Variants in GLIS3 observed in about 807,000 individuals in gnomAD.
The protein encoded by GLIS3 is GLIS family zinc finger 3.
In GLIS3, 53 loss-of-function variants were observed where a neutral mutation model predicts 78.6. That is an observed-to-expected ratio of 0.67 (90% CI 0.54 to 0.85). The LOEUF is 0.85. Among genes scored for constraint, GLIS3 ranks in the 40% least tolerant of loss-of-function variants. GLIS3 has a pLI of 0.00. For missense variants in GLIS3, 1,703 were observed against 1,231.1 expected (o/e 1.38, Z -5.74); for synonymous variants, 684 against 509.9 (o/e 1.34, Z -4.60).
chr9:4,240,199 G>A (rs909027189), intron 2 of GLIS3, among the ~76,000 whole-genome samples: 26 of 151,580 alleles, frequency 1.7e-4, no homozygotes, highest in Non-Finnish European at 3.5e-4. Flanking sequence ...GGGAGGTGGG[G>A]GGGGGGGATG....
intron 3 of GLIS3, among the ~76,000 whole-genome samples, chr9:4,120,591 T>C (rs974218358): frequency 2.0e-5 from 3 of 152,232 alleles, no homozygotes; most frequent in Non-Finnish European, 4.4e-5. Context: ...TTTTGGTCTC[T>C]TCCCCAGCAA....
chr9:3,954,515 G>T (rs2130857078), intron 4 of GLIS3, among the ~76,000 whole-genome samples: 1 of 152,330 alleles, frequency 6.6e-6, no homozygotes, highest in Admixed American at 6.5e-5. Context: ...AAAGTACTTG[G>T]ATTTTAGTCA....
chr9:4,302,888 G>C (rs763268978), upstream of GLIS3, among the ~76,000 whole-genome samples: 1 of 152,170 alleles, frequency 6.6e-6, no homozygotes, highest in Non-Finnish European at 1.5e-5. Flanking sequence ...GGCTGTTTGA[G>C]CTGGACTTCA....
intron 2 of GLIS3, among the ~76,000 whole-genome samples, chr9:4,235,409 G>C (rs898871223): frequency 6.6e-6 from 1 of 151,730 alleles, no homozygotes; most frequent in African/African-American, 2.4e-5. Context: ...CACCGCTTAA[G>C]ACTCAAAATG....
At chr9:3,861,657 C>G (rs1402904315) in intron 8 of GLIS3, among the ~76,000 whole-genome samples, 1 of 152,054 alleles carries the variant, frequency 6.6e-6, no homozygotes, top group African/African-American at 2.4e-5. Context: ...GAGCTGGAAG[C>G]CATTATCCTC....
At chr9:4,034,311 G>C (rs537794835) in intron 4 of GLIS3, among the ~76,000 whole-genome samples, 1 of 152,216 alleles carries the variant, frequency 6.6e-6, no homozygotes, top group Admixed American at 6.5e-5. Flanking sequence ...AGAAAAAAAA[G>C]TCTGTTTCTA....
intron 3 of GLIS3, among the ~76,000 whole-genome samples, chr9:4,122,542 T>C (rs1832268013): frequency 6.6e-6 from 1 of 152,224 alleles, no homozygotes; most frequent in African/African-American, 2.4e-5. Flanking sequence ...CCTTTTTGGA[T>C]CTGGAATGAC....
the GLIS3 span, among the ~76,000 whole-genome samples, chr9:4,448,486 G>T: frequency 6.6e-6 from 1 of 152,202 alleles, no homozygotes; most frequent in South Asian, 2.1e-4. Context: ...AGGCAGTCAG[G>T]TCTTTAAGTG....
chr9:4,289,354 A>T (rs1354360320), intron 1 of GLIS3, among the ~76,000 whole-genome samples: 2 of 152,162 alleles, frequency 1.3e-5, no homozygotes, highest in Non-Finnish European at 1.5e-5. Context: ...TTAAATCTGG[A>T]CGGTAGACAT....
At chr9:4,340,701 T>A (rs1817821782) in intron 2 of GLIS3, among the ~76,000 whole-genome samples, 1 of 152,132 alleles carries the variant, frequency 6.6e-6, no homozygotes, top group South Asian at 2.1e-4. Context: ...TTGTTTAATT[T>A]TTTTGGAGAC....
Position 4,338,745 on chromosome 9 carries a change from T to G in GLIS3, n.264+8336A>C, listed in dbSNP as rs557508536. On this transcript the variant is annotated intron_variant and non_coding_transcript_variant, in intron 2 of 4. Coordinates refer to the GLIS3 transcript ENST00000471664. ...GCCCCATGGGAGAAGGAGCTGCAAGTAGAAAGTAGAGGAACCAAAAATATA... is the reference window on the plus strand; with the variant it reads ...GCCCCATGGGAGAAGGAGCTGCAAGGAGAAAGTAGAGGAACCAAAAATATA... 3.3e-5 allele frequency among the ~76,000 whole-genome samples: 5 copies of G among 152,152 alleles called. 1 individual carries two copies. The highest frequency in any genetic ancestry group is 1.2e-4 in the African/African-American group (5 of 41,500).
chr9:3,960,262 G>A (rs1817459627), intron 4 of GLIS3, among the ~76,000 whole-genome samples: 1 of 152,142 alleles, frequency 6.6e-6, no homozygotes, highest in Non-Finnish European at 1.5e-5. Context: ...AGAGCCTGGG[G>A]AGCAGATCCT....
At chr9:4,396,835 T>G in the GLIS3 span, among the ~76,000 whole-genome samples, 1,195 of 152,138 alleles carry the variant, frequency 7.9e-3, 16 homozygotes, top group African/African-American at 0.028. Context: ...TACGGGCTTG[T>G]GAGGTTTTGA....
intron 2 of GLIS3, chr9:4,144,787 A>G (rs1834081975): frequency 6.6e-6 from 1 of 152,166 alleles, no homozygotes; most frequent in South Asian, 2.1e-4. Flanking sequence ...TTCTAATCCT[A>G]TTTTTTGCTT....
At chr9:4,038,294 A>C (rs369273451) in intron 4 of GLIS3, among the ~76,000 whole-genome samples, 2,904 of 50,062 alleles carry the variant, frequency 0.058, 83 homozygotes, top group African/African-American at 0.24. Flanking sequence ...AACTTGTCCA[A>C]CTTGTTGGTT....
intron 4 of GLIS3, among the ~76,000 whole-genome samples, chr9:3,952,195 C>T (rs941851024): frequency 6.6e-6 from 1 of 152,042 alleles, no homozygotes; most frequent in Non-Finnish European, 1.5e-5. Flanking sequence ...CTTTTGATAT[C>T]TCAAAAATAA....
At position 3,827,207 on chromosome 9, in the gene GLIS3, A is replaced by G. The variant is rs1195018904; in HGVS notation, c.*1065T>C. ...GGAAGAGACAGACAGATGAGTGGATATCCTGAAAAACGTTAGTAAAATCTG... is the reference window on the plus strand; with the variant it reads ...GGAAGAGACAGACAGATGAGTGGATGTCCTGAAAAACGTTAGTAAAATCTG... On this transcript the variant is annotated 3_prime_UTR_variant, in exon 11 of 11. Transcript: ENST00000381971. 6.6e-6 allele frequency: 1 copy of G among 152,158 alleles called. No individual in the cohort carries two copies. Among genetic ancestry groups the G allele is most frequent in the Admixed American group, 6.5e-5 (1 of 15,278 alleles). 9.4% of individuals were successfully genotyped at this position (152,158 alleles called of 1,614,324 possible).
At chr9:4,050,524 C>T (rs776739920) in intron 4 of GLIS3, among the ~76,000 whole-genome samples, 21 of 151,970 alleles carry the variant, frequency 1.4e-4, no homozygotes, top group Non-Finnish European at 3.1e-4. Context: ...TGCAGCAAGC[C>T]AACATGGCAC....
intron 2 of GLIS3, among the ~76,000 whole-genome samples, chr9:4,264,981 A>G (rs983357185): frequency 6.6e-6 from 1 of 151,574 alleles, no homozygotes; most frequent in Non-Finnish European, 1.5e-5. Flanking sequence ...CCTGGCTAAC[A>G]TGGTGAAACC....
Sources: allele counts gnomAD v4.1 joint callset (sites outside exome capture counted in the v4.1 genomes callset), GRCh38; gene constraint gnomAD v4.1.1; transcripts MANE v1.5; gene names NCBI Gene and HGNC (gene_info 2026-07-23, HGNC 2026-07-21).